Variants in DIAPH3 observed in about 807,000 individuals in gnomAD.
The protein encoded by DIAPH3 is diaphanous related formin 3.
DIAPH3 carries 117 observed loss-of-function variants against 144.3 expected under a neutral mutation model. The ratio of observed to expected loss-of-function variants is 0.81; its 90% CI spans 0.70 to 0.95. The LOEUF is 0.95. DIAPH3 is among the 40% of genes least tolerant of loss of function. The pLI is 0.00. For synonymous variants in DIAPH3, 519 were observed against 488.9 expected, an observed-to-expected ratio of 1.06 and a Z score of -0.81; for missense variants, 1,421 against 1,412.7, an observed-to-expected ratio of 1.01 and a Z score of -0.09.
At chr13:59,680,540 A>T (rs561101548) in intron 27 of DIAPH3, among the ~76,000 whole-genome samples, 51 of 151,278 alleles carry the variant, frequency 3.4e-4, no homozygotes, top group Admixed American at 7.2e-4. Flanking sequence ...TGTTATTAGG[A>T]TCTAAGAAGA....
chr13:60,105,113 A>AAAAAAC (rs2058382091), intron 3 of DIAPH3, among the ~76,000 whole-genome samples: 2 of 149,684 alleles, frequency 1.3e-5, no homozygotes. Flanking sequence ...AAAAAAAAAA[A>AAAAAAC]AAAAAAAAAA....
chr13:60,038,658 A>G (rs1327281631), intron 5 of DIAPH3, among the ~76,000 whole-genome samples: 1 of 152,216 alleles, frequency 6.6e-6, no homozygotes, highest in Non-Finnish European at 1.5e-5. Context: ...TAACAAAAAG[A>G]TAACTTTATG....
chr13:60,141,383 T>G (rs2059422781), intron 1 of DIAPH3, among the ~76,000 whole-genome samples: 1 of 152,152 alleles, frequency 6.6e-6, no homozygotes, highest in African/African-American at 2.4e-5. Context: ...ACCCAGTCTC[T>G]CCCCTTACAA....
At chr13:59,859,379 A>ACCAAT (rs35486440) in intron 22 of DIAPH3, among the ~76,000 whole-genome samples, 1 of 152,182 alleles carries the variant, frequency 6.6e-6, no homozygotes, top group African/African-American at 2.4e-5. Flanking sequence ...GAAGAACCAA[A>ACCAAT]CCAAGTTACA....
intron 17 of DIAPH3, among the ~76,000 whole-genome samples, chr13:59,931,604 C>A (rs2048021907): frequency 6.6e-6 from 1 of 152,150 alleles, no homozygotes; most frequent in Non-Finnish European, 1.5e-5. Flanking sequence ...GGATTAAAGC[C>A]TGGAACACAT....
chr13:59,848,457 C>T (rs1240255625), intron 22 of DIAPH3, among the ~76,000 whole-genome samples: 1 of 151,368 alleles, frequency 6.6e-6, no homozygotes, highest in Non-Finnish European at 1.5e-5. Flanking sequence ...CCAGTGCTAT[C>T]CCTCCCCGCT....
chr13:59,853,198 C>T (rs1469287065), intron 22 of DIAPH3, among the ~76,000 whole-genome samples: 1 of 152,150 alleles, frequency 6.6e-6, no homozygotes, highest in Non-Finnish European at 1.5e-5. Flanking sequence ...ACAGTTTCTC[C>T]TATCATATAA....
chr13:60,098,267 A>G (rs1192749820), intron 3 of DIAPH3, among the ~76,000 whole-genome samples: 1 of 152,116 alleles, frequency 6.6e-6, no homozygotes, highest in Admixed American at 6.5e-5. Flanking sequence ...AGAGGAAAAA[A>G]GACATACTAA....
chr13:59,865,815 T>A (rs1566436050), intron 21 of DIAPH3, among the ~76,000 whole-genome samples: 1 of 152,028 alleles, frequency 6.6e-6, no homozygotes, highest in Non-Finnish European at 1.5e-5. Flanking sequence ...ATTCCATTTA[T>A]TTAGTCACAT....
intron 17 of DIAPH3, among the ~76,000 whole-genome samples, chr13:59,932,884 T>C (rs761410798): frequency 6.6e-6 from 1 of 152,208 alleles, no homozygotes; most frequent in Non-Finnish European, 1.5e-5. Context: ...TGAAGCCAGA[T>C]AATGAGTCTA....
chr13:59,982,195 ATTAAT>A (rs1296896940), intron 13 of DIAPH3, among the ~76,000 whole-genome samples: 1 of 151,494 alleles, frequency 6.6e-6, no homozygotes, highest in Non-Finnish European at 1.5e-5. Context: ...AGTAAATACA[ATTAAT>A]TTATTAAAAC....
intron 27 of DIAPH3, among the ~76,000 whole-genome samples, chr13:59,702,647 A>C (rs1240961047): frequency 1.3e-5 from 2 of 152,210 alleles, no homozygotes; most frequent in African/African-American, 4.8e-5. Context: ...GCTAATATTT[A>C]AGCCTTGAGA....
At chr13:59,963,080 A>G (rs1459800518) in intron 17 of DIAPH3, among the ~76,000 whole-genome samples, 1 of 152,172 alleles carries the variant, frequency 6.6e-6, no homozygotes, top group Admixed American at 6.5e-5. Flanking sequence ...TCCTGGGATA[A>G]AGTGTCTGAT....
chr13:59,728,009 TA>T (rs2035692082), intron 27 of DIAPH3, among the ~76,000 whole-genome samples: 1 of 151,596 alleles, frequency 6.6e-6, no homozygotes, highest in East Asian at 1.9e-4. Flanking sequence ...TAAAAATGCC[TA>T]GAGTAGTACA....
chr13:59,675,426 C>T (rs1593553290), intron 27 of DIAPH3, among the ~76,000 whole-genome samples: 1 of 151,584 alleles, frequency 6.6e-6, no homozygotes, highest in Non-Finnish European at 1.5e-5. Flanking sequence ...GCTCTGTCGC[C>T]CAGGCTGGAG....
chr13:60,157,243 C>G (rs185855766), intron 1 of DIAPH3, among the ~76,000 whole-genome samples: 5 of 152,234 alleles, frequency 3.3e-5, no homozygotes, highest in Middle Eastern at 3.4e-3. Flanking sequence ...CCGTACCCAA[C>G]CCCTTCCTAT....
intron 27 of DIAPH3, among the ~76,000 whole-genome samples, chr13:59,715,039 T>C (rs934198098): frequency 1.3e-5 from 2 of 152,140 alleles, no homozygotes; most frequent in African/African-American, 4.8e-5. Flanking sequence ...TCTCATGAAT[T>C]GAGATGCTTA....
chr13:59,712,693 C>T (rs540451999), intron 27 of DIAPH3, among the ~76,000 whole-genome samples: 2 of 152,294 alleles, frequency 1.3e-5, no homozygotes, highest in South Asian at 4.1e-4. Flanking sequence ...CTTGTCATCC[C>T]CCATTTTACT....
intron 24 of DIAPH3, among the ~76,000 whole-genome samples, chr13:59,823,070 G>C (rs991473252): frequency 6.6e-6 from 1 of 151,912 alleles, no homozygotes; most frequent in Non-Finnish European, 1.5e-5. Flanking sequence ...CTTTTGCTAC[G>C]TTATTTCAGG....
Sources: gnomAD v4.1 joint callset for allele counts (sites outside exome capture counted in the v4.1 genomes callset) on GRCh38, gnomAD v4.1.1 for gene constraint, MANE v1.5 for transcripts, NCBI Gene and HGNC (gene_info 2026-07-23, HGNC 2026-07-21) for gene names.